THSD7A: variants seen among roughly 807,000 people sequenced by gnomAD.
THSD7A encodes the protein thrombospondin type 1 domain containing 7A.
In THSD7A, 96 loss-of-function variants were observed where a neutral mutation model predicts 231.3. That is an observed-to-expected ratio of 0.41 (90% CI 0.35 to 0.49). The LOEUF (loss-of-function observed/expected upper bound fraction) is 0.49. Ranked by LOEUF, THSD7A falls within the 20% of genes least tolerant of loss-of-function variation. THSD7A has a pLI of 0.05. For synonymous variants in THSD7A, 940 were observed against 743.3 expected, an observed-to-expected ratio of 1.26 and a Z score of -4.30; for missense variants, 2,290 against 2,070.2, an observed-to-expected ratio of 1.11 and a Z score of -2.06.
At chr7:11,458,727 C>G (rs929567604) in intron 11 of THSD7A, among the ~76,000 whole-genome samples, 2 of 152,118 alleles carry the variant, frequency 1.3e-5, no homozygotes, top group Non-Finnish European at 2.9e-5. Flanking sequence ...CAAGTATTCA[C>G]TACTACAAGG....
At position 11,412,687 on chromosome 7, in the gene THSD7A, T is replaced by C; in HGVS notation, c.3651A>G (p.Lys1217=). 1 of 1,613,820 alleles carries C rather than the reference T, an allele frequency of 6.2e-7. No homozygotes were observed. Among genetic ancestry groups the C allele is most frequent in the Non-Finnish European group, 8.5e-7 (1 of 1,179,806 alleles). Residue 1217 remains lysine, a synonymous_variant, in exon 18 of 28, where the codon AAA becomes AAG. Coordinates refer to ENST00000423059, the MANE Select transcript of THSD7A (RefSeq NM_015204.3). ...CATTATAATCATAGTGGTAGCAGTT[T>C]TTGTTCAGGTTACAGGGTTCTTTCT... The part of the protein sequence containing the change: ...AVEKEPCNLN[K]NCYHYDYNVT...
chr7:11,793,780 A>G (rs566017190), intron 1 of THSD7A, among the ~76,000 whole-genome samples: 18 of 151,924 alleles, frequency 1.2e-4, no homozygotes, highest in Non-Finnish European at 2.4e-4. Context: ...AAATAGAACA[A>G]AAAGATTTAT....
intron 13 of THSD7A, among the ~76,000 whole-genome samples, chr7:11,442,259 A>C (rs1238237323): frequency 6.6e-6 from 1 of 152,046 alleles, no homozygotes; most frequent in Non-Finnish European, 1.5e-5. Flanking sequence ...CACAAGTTCA[A>C]AAATAACAGA....
chr7:11,529,812 T>C (rs1007413536), intron 6 of THSD7A, among the ~76,000 whole-genome samples: 1 of 152,182 alleles, frequency 6.6e-6, no homozygotes, highest in Non-Finnish European at 1.5e-5. Context: ...AAAATTCTTA[T>C]CTGTAACCAA....
At chr7:11,643,585 T>C (rs1223107062) in intron 1 of THSD7A, among the ~76,000 whole-genome samples, 2 of 106,528 alleles carry the variant, frequency 1.9e-5, no homozygotes, top group African/African-American at 4.1e-5. Flanking sequence ...TTTCAACAGA[T>C]ACACCACACG....
chr7:11,706,449 T>C (rs1562491130), intron 1 of THSD7A, among the ~76,000 whole-genome samples: 1 of 150,816 alleles, frequency 6.6e-6, no homozygotes, highest in African/African-American at 2.4e-5. Context: ...TTCAAAAATA[T>C]CATTTATGGT....
rs779475798 is a variant in THSD7A, at chr7:11,814,290, T to A, written c.190+17467A>T. ...TGCATGCTACGTGCATTCTATCAAA[T>A]AAAGCTGTTAAAAGAATGGCTCTGT... On this transcript the variant is annotated intron_variant, in intron 1 of 27. Transcript: ENST00000423059. The surrounding 1 kb of genome is among the most constrained non-coding windows in gnomAD (Gnocchi z 5.1). Among the ~76,000 whole-genome samples, 1 of 152,196 alleles carries A rather than the reference T, an allele frequency of 6.6e-6. No individual in the cohort carries two copies. Among genetic ancestry groups the A allele is most frequent in the Non-Finnish European group, 1.5e-5 (1 of 68,034 alleles).
chr7:11,380,149 G>A (rs1782454067), intron 24 of THSD7A, among the ~76,000 whole-genome samples: 1 of 152,086 alleles, frequency 6.6e-6, no homozygotes. Context: ...TTAAATAAAT[G>A]TTTTCTTTAA....
intron 1 of THSD7A, among the ~76,000 whole-genome samples, chr7:11,683,795 C>CAA (rs763287978): frequency 7.2e-5 from 11 of 151,874 alleles, no homozygotes; most frequent in Non-Finnish European, 1.2e-4. Context: ...ACCAGATGTA[C>CAA]AAACAAGAGC....
At position 11,636,003 on chromosome 7, in the gene THSD7A, T is replaced by G. The variant is rs1781826307; in HGVS notation, c.1022+127A>C. 4 of 796,226 alleles carry G rather than the reference T, an allele frequency of 5.0e-6. No individual in the cohort carries two copies. The highest frequency in any genetic ancestry group is 7.6e-6 in the Non-Finnish European group (4 of 527,180). The allele number at this position is 796,226 out of a possible 1,614,324, so 49.3% of individuals were successfully genotyped here. The stretch of plus-strand genomic sequence containing the variant: ...TCACACAAGCTCAGAAGCCTTAAAT[T>G]TGGGGGTAGCTCATCCTAGGTTGTG... On this transcript the variant is annotated intron_variant, in intron 2 of 27. Transcript: ENST00000423059. This position sits in a 1 kb window ranked among gnomAD's most constrained non-coding sequence, Gnocchi z 10.0.
intron 1 of THSD7A, among the ~76,000 whole-genome samples, chr7:11,759,892 G>C (rs1381572219): frequency 6.6e-6 from 1 of 152,062 alleles, no homozygotes; most frequent in Non-Finnish European, 1.5e-5. Flanking sequence ...GCATAGAGAA[G>C]TTAGTGACCT....
chr7:11,531,316 C>A (rs1788698607), intron 6 of THSD7A, among the ~76,000 whole-genome samples: 1 of 152,128 alleles, frequency 6.6e-6, no homozygotes, highest in South Asian at 2.1e-4. Context: ...TCGTTCTCAA[C>A]AAAGCAACAT....
chr7:11,489,045 T>A lies in THSD7A; in HGVS notation c.1823-7063A>T, dbSNP rs539544462. On this transcript the variant is annotated intron_variant, in intron 6 of 27. Coordinates refer to ENST00000423059, the MANE Select transcript of THSD7A (RefSeq NM_015204.3). ...ATTGCAGACATGTCACTTTTAAAACTTTTTCTCATTCCCTGTTCACTCACC... is the reference window on the plus strand; with the variant it reads ...ATTGCAGACATGTCACTTTTAAAACATTTTCTCATTCCCTGTTCACTCACC... 2.6e-5 allele frequency among the ~76,000 whole-genome samples: 4 copies of A among 152,236 alleles called. No individual in the cohort carries two copies. In the South Asian group the frequency reaches 8.3e-4, roughly 32 times the overall value.
chr7:11,749,756 G>A (rs1277651474), intron 1 of THSD7A, among the ~76,000 whole-genome samples: 1 of 151,948 alleles, frequency 6.6e-6, no homozygotes, highest in African/African-American at 2.4e-5. Flanking sequence ...GAATTATATT[G>A]CCAATCACAA....
At chr7:11,412,065 T>A (rs2115385383) in intron 18 of THSD7A, among the ~76,000 whole-genome samples, 1 of 152,326 alleles carries the variant, frequency 6.6e-6, no homozygotes, top group Non-Finnish European at 1.5e-5. Flanking sequence ...CCCCAATTCA[T>A]ATAAACCAAT....
At chr7:11,761,467 C>A (rs565172749) in intron 1 of THSD7A, among the ~76,000 whole-genome samples, 1 of 152,082 alleles carries the variant, frequency 6.6e-6, no homozygotes, top group Admixed American at 6.6e-5. Context: ...TAAAGGGCAT[C>A]ATTTCATTAT....
At chr7:11,572,567 G>A (rs768166959) in intron 4 of THSD7A, among the ~76,000 whole-genome samples, 11 of 152,122 alleles carry the variant, frequency 7.2e-5, no homozygotes, top group Non-Finnish European at 1.5e-4. Context: ...GCAGTGCAGT[G>A]GCGCAATCAT....
Position 11,446,022 on chromosome 7 carries a change from C to G in THSD7A, c.3064+39G>C. The stretch of plus-strand genomic sequence containing the variant: ...GCGTGTGCATTTTCCCTCCACACTC[C>G]CGAAGATAGCAAATATGTAACAATG... On this transcript the variant is annotated intron_variant, in intron 13 of 27. Transcript: ENST00000423059. The surrounding 1 kb of genome is among the most constrained non-coding windows in gnomAD (Gnocchi z 4.0). The G allele has an allele frequency of 6.2e-7, 1 of 1,610,402 alleles. No individual in the cohort carries two copies. The highest frequency in any genetic ancestry group is 2.2e-5 in the East Asian group (1 of 44,830).
chr7:11,380,095 C>T (rs1232564203), intron 24 of THSD7A, among the ~76,000 whole-genome samples: 2 of 152,152 alleles, frequency 1.3e-5, no homozygotes, highest in Non-Finnish European at 2.9e-5. Context: ...AGATTCAAAA[C>T]AATAGTTTTC....
Sources: gnomAD v4.1 joint callset for allele counts (sites outside exome capture counted in the v4.1 genomes callset) on GRCh38, gnomAD v4.1.1 for gene constraint, Gnocchi (gnomAD v3.1) non-coding constraint, MANE v1.5 for transcripts, NCBI Gene and HGNC (gene_info 2026-07-23, HGNC 2026-07-21) for gene names.